FBXL17: variants seen among roughly 807,000 people sequenced by gnomAD.
FBXL17 encodes the protein F-box and leucine rich repeat protein 17, also known as F-box/LRR-repeat protein 17.
A neutral mutation model predicts 66.2 loss-of-function variants in FBXL17; 22 were observed. The observed-to-expected ratio is 0.33, with a 90% CI of 0.24 to 0.47. The LOEUF is 0.47. FBXL17 is among the 20% of genes least tolerant of loss of function. FBXL17 has a pLI of 1.00. For missense variants in FBXL17, 878 were observed against 948.2 expected, an observed-to-expected ratio of 0.93 and a Z score of 0.97; for synonymous variants, 474 against 400.5, an observed-to-expected ratio of 1.18 and a Z score of -2.19.
intron 7 of FBXL17, among the ~76,000 whole-genome samples, chr5:107,983,358 A>T (rs1398528241): frequency 1.4e-5 from 2 of 147,954 alleles, no homozygotes; most frequent in African/African-American, 4.9e-5. Context: ...TGCCCAGCTA[A>T]TTTTTTTTTT....
rs184363811 is a variant in FBXL17, at chr5:108,034,784, T to C, written c.1746-13783A>G. Among the ~76,000 whole-genome samples the C allele has an allele frequency of 1.3e-3, 201 of 152,256 alleles. 1 individual carries two copies. The highest frequency in any genetic ancestry group is 2.0e-3 in the Admixed American group (31 of 15,288). On this transcript the variant is annotated intron_variant, in intron 6 of 8. Transcript: ENST00000542267. ...AATAACTGCAAAGTTAAAAACTGTA[T>C]CAAAGCTTTTAAAAGTCATTTTACA...
At chr5:108,024,690 A>G (rs945495381) in intron 6 of FBXL17, among the ~76,000 whole-genome samples, 5 of 152,186 alleles carry the variant, frequency 3.3e-5, no homozygotes, top group Non-Finnish European at 7.4e-5. Flanking sequence ...AAAGGGCCAG[A>G]AAACCTGCTC....
intron 7 of FBXL17, among the ~76,000 whole-genome samples, chr5:107,882,531 G>A (rs184444262): frequency 1.3e-5 from 2 of 152,248 alleles, no homozygotes; most frequent in East Asian, 3.9e-4. Context: ...GTTTGTTAAT[G>A]TTTTCATCTT....
intron 7 of FBXL17, among the ~76,000 whole-genome samples, chr5:107,934,221 T>C (rs552654523): frequency 7.7e-4 from 118 of 152,294 alleles, no homozygotes; most frequent in African/African-American, 2.5e-3. Context: ...AAAGTAAAGT[T>C]TGACCAAAAT....
At chr5:108,334,425 C>G (rs147432764) in intron 4 of FBXL17, among the ~76,000 whole-genome samples, 1 of 152,178 alleles carries the variant, frequency 6.6e-6, no homozygotes, top group African/African-American at 2.4e-5. Context: ...ATAGACCCTA[C>G]CTCACATCTG....
chr5:107,960,213 TACTC>T (rs1258128527), intron 7 of FBXL17, among the ~76,000 whole-genome samples: 1 of 152,178 alleles, frequency 6.6e-6, no homozygotes, highest in African/African-American at 2.4e-5. Context: ...CCTCAATAGT[TACTC>T]ATTCATCTAC....
chr5:108,137,163 T>C (rs1177130750), intron 6 of FBXL17, among the ~76,000 whole-genome samples: 2 of 152,172 alleles, frequency 1.3e-5, no homozygotes, highest in East Asian at 1.9e-4. Flanking sequence ...TCACAAAACA[T>C]GGAAAAATCT....
At chr5:108,192,924 A>G (rs1753526864) in intron 5 of FBXL17, among the ~76,000 whole-genome samples, 1 of 152,262 alleles carries the variant, frequency 6.6e-6, no homozygotes, top group Non-Finnish European at 1.5e-5. Flanking sequence ...TGAATTAACG[A>G]AAGAGGACTC....
At chr5:107,938,640 G>C (rs145965853) in intron 7 of FBXL17, among the ~76,000 whole-genome samples, 1 of 152,192 alleles carries the variant, frequency 6.6e-6, no homozygotes, top group Admixed American at 6.5e-5. Flanking sequence ...AAGTCAGTAG[G>C]TGACTAAGGC....
chr5:108,354,720 C>A (rs1580875883), intron 3 of FBXL17, among the ~76,000 whole-genome samples: 3 of 135,568 alleles, frequency 2.2e-5, no homozygotes, highest in East Asian at 2.2e-4. Flanking sequence ...TGCAAAAAAT[C>A]AAAGGTTAAA....
At chr5:108,185,285 G>A (rs1258110155) in intron 6 of FBXL17, among the ~76,000 whole-genome samples, 1 of 152,076 alleles carries the variant, frequency 6.6e-6, no homozygotes. Flanking sequence ...TTGGAGGAAG[G>A]GCCTGTTTGG....
chr5:108,332,940 G>GAAAAAAAAAAAAAAAAAA (rs1760193976), intron 4 of FBXL17, among the ~76,000 whole-genome samples: 1 of 2,092 alleles, frequency 4.8e-4, no homozygotes, highest in Non-Finnish European at 1.2e-3. Context: ...AAAAGCAAAA[G>GAAAAAAAAAAAAAAAAAA]CAAAAAAAAA....
chr5:108,143,484 A>G (rs1751439284), intron 6 of FBXL17, among the ~76,000 whole-genome samples: 1 of 152,100 alleles, frequency 6.6e-6, no homozygotes, highest in Non-Finnish European at 1.5e-5. Context: ...TCTACAACAG[A>G]TGTTTGGTCA....
At chr5:108,141,919 T>G (rs1293708384) in intron 6 of FBXL17, among the ~76,000 whole-genome samples, 1 of 152,210 alleles carries the variant, frequency 6.6e-6, no homozygotes, top group African/African-American at 2.4e-5. Context: ...CCAAGTTGAG[T>G]TGATTGACTT....
intron 5 of FBXL17, among the ~76,000 whole-genome samples, chr5:108,187,910 A>G (rs909085809): frequency 1.8e-4 from 28 of 152,190 alleles, no homozygotes; most frequent in African/African-American, 6.8e-4. Flanking sequence ...AGAAGACTAG[A>G]CACTTGAATC....
At chr5:108,303,527 A>G (rs541009193) in intron 4 of FBXL17, among the ~76,000 whole-genome samples, 1 of 152,056 alleles carries the variant, frequency 6.6e-6, no homozygotes, top group South Asian at 2.1e-4. Context: ...TTTAAAAGGG[A>G]TGACTTTGCT....
chr5:108,338,359 C>A (rs369177762), intron 4 of FBXL17, among the ~76,000 whole-genome samples: 1 of 151,928 alleles, frequency 6.6e-6, no homozygotes, highest in Admixed American at 6.6e-5. Context: ...AAGAAGGACT[C>A]GGATTTACAA....
At chr5:107,970,380 T>C (rs775225738) in intron 7 of FBXL17, among the ~76,000 whole-genome samples, 2 of 152,190 alleles carry the variant, frequency 1.3e-5, no homozygotes, top group Non-Finnish European at 2.9e-5. Context: ...CATCCCCTTA[T>C]ATATTTTCTG....
intron 6 of FBXL17, among the ~76,000 whole-genome samples, chr5:108,116,886 T>C (rs1035726250): frequency 6.6e-6 from 1 of 151,912 alleles, no homozygotes; most frequent in Admixed American, 6.6e-5. Flanking sequence ...CTCTGCCCTA[T>C]AGGTAGGTGA....
Sources: gnomAD v4.1 joint callset for allele counts (sites outside exome capture counted in the v4.1 genomes callset) on GRCh38, gnomAD v4.1.1 for gene constraint, MANE v1.5 for transcripts, NCBI Gene and HGNC (gene_info 2026-07-23, HGNC 2026-07-21) for gene names.